The following ZFAT variants were observed in gnomAD, a reference collection of about 807,000 sequenced individuals.
ZFAT encodes the protein zinc finger and AT-hook domain containing, also known as zinc finger protein ZFAT.
In ZFAT, 64 loss-of-function variants were observed where a neutral mutation model predicts 117.7. The ratio of observed to expected loss-of-function variants is 0.54; its 90% CI spans 0.44 to 0.67. The LOEUF (loss-of-function observed/expected upper bound fraction) is 0.67, where lower values mean the gene tolerates loss of function less well. Ranked by LOEUF, ZFAT falls within the 30% of genes least tolerant of loss-of-function variation. The pLI, the probability that ZFAT is intolerant of heterozygous loss-of-function variation, is 0.00. For synonymous variants in ZFAT, 679 were observed against 615.0 expected, an observed-to-expected ratio of 1.10 and a Z score of -1.54; for missense variants, 1,433 against 1,584.5, an observed-to-expected ratio of 0.90 and a Z score of 1.62.
intron 12 of ZFAT, among the ~76,000 whole-genome samples, chr8:134,531,711 T>C (rs966841598): frequency 6.6e-6 from 1 of 152,220 alleles, no homozygotes; most frequent in East Asian, 1.9e-4. Context: ...CGAAGGCACA[T>C]GCTCGCCGTT....
At chr8:134,699,392 C>A (rs1833953205) in intron 1 of ZFAT, among the ~76,000 whole-genome samples, 2 of 152,218 alleles carry the variant, frequency 1.3e-5, no homozygotes, top group Admixed American at 6.5e-5. Flanking sequence ...TGGGACCACA[C>A]TGACCTGGGT....
At chr8:134,761,734 C>T in the ZFAT span, among the ~76,000 whole-genome samples, 1 of 151,896 alleles carries the variant, frequency 6.6e-6, no homozygotes, top group African/African-American at 2.4e-5. Context: ...ATTAATTAAT[C>T]ACAACAATAA....
intron 7 of ZFAT, 116 bp downstream of exon 7, chr8:134,600,320 A>T (rs994394929): frequency 1.1e-6 from 1 of 944,108 alleles, no homozygotes; most frequent in Admixed American, 1.7e-5. Context: ...AAGGAGAAGG[A>T]TCTCTCTATG....
the ZFAT span, among the ~76,000 whole-genome samples, chr8:134,799,515 C>A: frequency 1.3e-5 from 2 of 152,136 alleles, no homozygotes; most frequent in Non-Finnish European, 2.9e-5. Context: ...CCAATCAGTA[C>A]ATATATAGAA....
chr8:134,795,568 G>C, the ZFAT span: 1 of 152,272 alleles, frequency 6.6e-6, no homozygotes, highest in Non-Finnish European at 1.5e-5. Flanking sequence ...ATTGGGGAAA[G>C]AGGGGGAGCT....
chr8:134,773,954 T>G, the ZFAT span, among the ~76,000 whole-genome samples: 794 of 150,446 alleles, frequency 5.3e-3, 9 homozygotes, highest in African/African-American at 0.018. Context: ...TCAACTTGGT[T>G]AATAAAGTAG....
the ZFAT span, among the ~76,000 whole-genome samples, chr8:134,810,063 C>T: frequency 3.9e-5 from 6 of 152,114 alleles, no homozygotes; most frequent in African/African-American, 1.4e-4. Flanking sequence ...GCTTTAGAGA[C>T]TTAACTAAAC....
the ZFAT span, among the ~76,000 whole-genome samples, chr8:134,748,497 A>G: frequency 6.6e-6 from 1 of 152,202 alleles, no homozygotes; most frequent in African/African-American, 2.4e-5. Flanking sequence ...ATACCATATC[A>G]TGGGCATTTT....
chr8:134,547,575 T>C (rs1221364369), intron 11 of ZFAT, among the ~76,000 whole-genome samples: 3 of 152,230 alleles, frequency 2.0e-5, no homozygotes, highest in Admixed American at 6.5e-5. Flanking sequence ...TGAAGATTTA[T>C]TATAACTGCA....
intron 15 of ZFAT, among the ~76,000 whole-genome samples, chr8:134,479,892 T>C (rs1291015436): frequency 1.3e-5 from 2 of 151,974 alleles, no homozygotes; most frequent in Non-Finnish European, 2.9e-5. Flanking sequence ...GGAGATTCTA[T>C]ATGCAAAGTG....
chr8:134,689,221 C>T (rs188930064), intron 1 of ZFAT, among the ~76,000 whole-genome samples: 130 of 152,326 alleles, frequency 8.5e-4, no homozygotes, highest in African/African-American at 2.9e-3. Flanking sequence ...AAGTTACCAC[C>T]CACTTTCTAG....
At chr8:134,676,339 G>T (rs1449010383) in intron 1 of ZFAT, among the ~76,000 whole-genome samples, 3 of 148,272 alleles carry the variant, frequency 2.0e-5, no homozygotes, top group African/African-American at 2.5e-5. Flanking sequence ...AAGATCAAAA[G>T]ATACAAAGAA....
chr8:134,654,513 T>C (rs541566123), intron 2 of ZFAT, among the ~76,000 whole-genome samples: 2 of 152,078 alleles, frequency 1.3e-5, no homozygotes, highest in Non-Finnish European at 2.9e-5. Context: ...TGTTCGGCTA[T>C]AGAAGGAGCC....
chr8:134,534,038 A>G (rs1017773165), intron 11 of ZFAT, among the ~76,000 whole-genome samples: 7 of 152,308 alleles, frequency 4.6e-5, no homozygotes, highest in East Asian at 1.9e-4. Context: ...CCACAATGGA[A>G]GCAGCACTCT....
At chr8:134,486,842 T>C (rs1817689188) in intron 15 of ZFAT, among the ~76,000 whole-genome samples, 1 of 152,156 alleles carries the variant, frequency 6.6e-6, no homozygotes, top group African/African-American at 2.4e-5. Flanking sequence ...GAAGGCTAGA[T>C]GCAGGCAGTG....
chr8:134,509,306 T>A (rs1408481083), intron 15 of ZFAT, among the ~76,000 whole-genome samples: 1 of 152,174 alleles, frequency 6.6e-6, no homozygotes, highest in Non-Finnish European at 1.5e-5. Context: ...GCTGTTTTCA[T>A]CAGAGATGTG....
the ZFAT span, chr8:134,785,451 AT>A: frequency 6.6e-6 from 1 of 151,710 alleles, no homozygotes; most frequent in Non-Finnish European, 1.5e-5. Flanking sequence ...ATTGGTTCAA[AT>A]TTTCCTGTAT....
At chr8:134,685,136 C>A (rs1586948885) in intron 1 of ZFAT, among the ~76,000 whole-genome samples, 2 of 152,158 alleles carry the variant, frequency 1.3e-5, no homozygotes, top group East Asian at 3.9e-4. Context: ...TGTGAAACAG[C>A]CCAGTACATG....
chr8:134,503,381 T>C (rs1450500815), intron 15 of ZFAT, among the ~76,000 whole-genome samples: 10 of 152,208 alleles, frequency 6.6e-5, no homozygotes, highest in Non-Finnish European at 1.5e-5. Flanking sequence ...CCACCAAAAT[T>C]GTCTCTGTGA....
Sources: allele counts gnomAD v4.1 joint callset (sites outside exome capture counted in the v4.1 genomes callset), GRCh38; gene constraint gnomAD v4.1.1; transcripts MANE v1.5; gene names NCBI Gene and HGNC (gene_info 2026-07-23, HGNC 2026-07-21).